Variants in MAGI2 observed in about 807,000 individuals in gnomAD.
MAGI2 encodes membrane associated guanylate kinase, WW and PDZ domain containing 2.
In MAGI2, 35 loss-of-function variants were observed where a neutral mutation model predicts 133.3. The observed-to-expected ratio is 0.26, with a 90% CI of 0.20 to 0.35. The LOEUF (loss-of-function observed/expected upper bound fraction) is 0.35, where lower values mean the gene tolerates loss of function less well. Among genes scored for constraint, MAGI2 ranks in the 10% least tolerant of loss-of-function variants. The pLI is 1.00. For synonymous variants in MAGI2, 729 were observed against 710.6 expected, an observed-to-expected ratio of 1.03 and a Z score of -0.41; for missense variants, 1,636 against 1,863.4, an observed-to-expected ratio of 0.88 and a Z score of 2.25.
rs567965653 is a variant in MAGI2 at position 79,416,677 on chromosome 7, C to G, written c.301+36343G>C. Reference sequence around the variant, plus strand: ...ACAGATAATTGTTGAAAGTAGGACACAGGGTACACAGAGGTCCATTGTTTC... The same window carrying G: ...ACAGATAATTGTTGAAAGTAGGACAGAGGGTACACAGAGGTCCATTGTTTC... On this transcript the variant is annotated intron_variant, in intron 1 of 21. Coordinates refer to ENST00000354212, the MANE Select transcript of MAGI2 (RefSeq NM_012301.4). 1.1e-4 allele frequency among the ~76,000 whole-genome samples: 16 copies of G among 149,822 alleles called. No homozygotes were observed. In the South Asian group the frequency reaches 1.3e-3, roughly 12 times the overall value.
chr7:79,018,591 G>T (rs1808979046), intron 1 of MAGI2, among the ~76,000 whole-genome samples: 1 of 152,088 alleles, frequency 6.6e-6, no homozygotes, highest in African/African-American at 2.4e-5. Flanking sequence ...CAATTAAAAG[G>T]CACAGAGTGG....
At chr7:79,435,366 A>G (rs1438524060) in intron 1 of MAGI2, among the ~76,000 whole-genome samples, 1 of 152,224 alleles carries the variant, frequency 6.6e-6, no homozygotes, top group Non-Finnish European at 1.5e-5. Context: ...TTCCAGGTCT[A>G]GTTTAAATGA....
At chr7:78,398,365 A>G (rs773639968) in intron 6 of MAGI2, among the ~76,000 whole-genome samples, 45 of 152,098 alleles carry the variant, frequency 3.0e-4, no homozygotes, top group Non-Finnish European at 5.6e-4. Flanking sequence ...ACTGTGCCTC[A>G]TATCAACTGT....
At chr7:78,614,203 T>G (rs1425123476) in intron 3 of MAGI2, among the ~76,000 whole-genome samples, 1 of 148,024 alleles carries the variant, frequency 6.8e-6, no homozygotes, top group Non-Finnish European at 1.5e-5. Flanking sequence ...CCTCTCCAAC[T>G]AAAAACATAG....
intron 2 of MAGI2, among the ~76,000 whole-genome samples, chr7:78,978,900 A>G (rs10240280): frequency 0.045 from 6,849 of 151,858 alleles, 470 homozygotes; most frequent in African/African-American, 0.15. Flanking sequence ...AAACCACTAT[A>G]CACATATACA....
At chr7:79,339,648 G>A (rs114184649) in intron 1 of MAGI2, among the ~76,000 whole-genome samples, 2,054 of 152,128 alleles carry the variant, frequency 0.014, 48 homozygotes, top group African/African-American at 0.046. Flanking sequence ...AGCCATTTGC[G>A]AAAGTTTTCC....
chr7:78,434,260 T>C (rs1437023354), intron 6 of MAGI2, among the ~76,000 whole-genome samples: 2 of 152,150 alleles, frequency 1.3e-5, no homozygotes, highest in East Asian at 1.9e-4. Flanking sequence ...AATGATTGTA[T>C]AGAGAGGAGA....
chr7:79,060,223 G>A (rs1249682731), intron 1 of MAGI2, among the ~76,000 whole-genome samples: 1 of 152,062 alleles, frequency 6.6e-6, no homozygotes, highest in African/African-American at 2.4e-5. Flanking sequence ...GCCATTAAAA[G>A]TCATAATTTT....
intron 5 of MAGI2, among the ~76,000 whole-genome samples, chr7:78,498,655 A>G (rs1270117957): frequency 6.6e-6 from 1 of 152,136 alleles, no homozygotes; most frequent in African/African-American, 2.4e-5. Context: ...AAAGACGCTG[A>G]TCCACTGCCC....
intron 4 of MAGI2, among the ~76,000 whole-genome samples, chr7:78,512,305 T>A (rs1795672284): frequency 6.6e-5 from 10 of 152,188 alleles, no homozygotes; most frequent in Admixed American, 6.5e-4. Flanking sequence ...GGAAAGTTAG[T>A]GTAATGGTTA....
chr7:78,899,720 G>T (rs776752220), intron 2 of MAGI2, among the ~76,000 whole-genome samples: 9 of 152,102 alleles, frequency 5.9e-5, no homozygotes, highest in Admixed American at 2.6e-4. Flanking sequence ...CCAGAGTGGG[G>T]CTGAGTGTAT....
intron 2 of MAGI2, among the ~76,000 whole-genome samples, chr7:78,654,193 C>T (rs1397319480): frequency 1.3e-5 from 2 of 152,158 alleles, no homozygotes; most frequent in East Asian, 3.9e-4. Flanking sequence ...CTGGCTCTAT[C>T]ACTTACTAGC....
At chr7:78,127,664 C>T (rs1036857348) in intron 18 of MAGI2, among the ~76,000 whole-genome samples, 1 of 152,144 alleles carries the variant, frequency 6.6e-6, no homozygotes, top group Non-Finnish European at 1.5e-5. Context: ...TCAACCAGAA[C>T]CTTGTGAAAA....
At chr7:78,915,115 T>G (rs1798690543) in intron 2 of MAGI2, among the ~76,000 whole-genome samples, 1 of 152,156 alleles carries the variant, frequency 6.6e-6, no homozygotes, top group South Asian at 2.1e-4. Flanking sequence ...AATAGAGCTT[T>G]ATATCAGGAG....
At chr7:78,622,709 A>G (rs1807878882) in intron 3 of MAGI2, among the ~76,000 whole-genome samples, 2 of 152,052 alleles carry the variant, frequency 1.3e-5, no homozygotes, top group Non-Finnish European at 2.9e-5. Flanking sequence ...GAATTTTGCT[A>G]GTTCCTCAGC....
intron 1 of MAGI2, among the ~76,000 whole-genome samples, chr7:79,234,430 A>G (rs1205370602): frequency 1.3e-5 from 2 of 151,846 alleles, no homozygotes; most frequent in African/African-American, 2.4e-5. Context: ...TTTCAGGTAC[A>G]CCAATCAGAC....
chr7:78,567,136 T>C (rs1801021666), intron 3 of MAGI2, among the ~76,000 whole-genome samples: 1 of 152,190 alleles, frequency 6.6e-6, no homozygotes. Context: ...ACTAAATAAT[T>C]AACTCTTTTG....
chr7:79,218,032 C>T (rs1830157702), intron 1 of MAGI2, among the ~76,000 whole-genome samples: 1 of 151,904 alleles, frequency 6.6e-6, no homozygotes, highest in Non-Finnish European at 1.5e-5. Flanking sequence ...TGAAAAGGTT[C>T]ATAACTGCTG....
intron 7 of MAGI2, among the ~76,000 whole-genome samples, chr7:78,354,938 G>C (rs866078766): frequency 6.6e-6 from 1 of 152,066 alleles, no homozygotes; most frequent in Middle Eastern, 3.2e-3. Flanking sequence ...AGATAGAAGA[G>C]GTATGGAGAA....
Sources: gnomAD v4.1 joint callset for allele counts (sites outside exome capture counted in the v4.1 genomes callset) on GRCh38, gnomAD v4.1.1 for gene constraint, MANE v1.5 for transcripts, NCBI Gene and HGNC (gene_info 2026-07-23, HGNC 2026-07-21) for gene names.